Variants in SCOC observed in about 807,000 individuals in gnomAD.
The protein encoded by SCOC is short coiled-coil protein, also known as short coiled coil protein.
A neutral mutation model predicts 9.9 loss-of-function variants in SCOC; 7 were observed. That is an observed-to-expected ratio of 0.71 (90% CI 0.40 to 1.33). The LOEUF is 1.33. Ranked by LOEUF, SCOC falls within the 40% of genes most tolerant of loss-of-function variation. The pLI is 0.01. For synonymous variants in SCOC, 19 were observed against 28.2 expected (o/e 0.67, Z 1.03); for missense variants, 66 against 89.7 (o/e 0.74, Z 1.07).
intron 1 of SCOC, among the ~76,000 whole-genome samples, chr4:140,335,859 G>T (rs942594427): frequency 6.6e-6 from 1 of 151,956 alleles, no homozygotes; most frequent in African/African-American, 2.4e-5. Flanking sequence ...CCCCAATACC[G>T]ATTAGCATGC....
chr4:140,301,979 G>A (rs1309815776), intron 1 of SCOC, among the ~76,000 whole-genome samples: 2 of 151,986 alleles, frequency 1.3e-5, no homozygotes, highest in African/African-American at 4.8e-5. Context: ...GACCACAGGC[G>A]CATGCCACCA....
At chr4:140,282,412 G>A (rs1257826817) in intron 1 of SCOC, among the ~76,000 whole-genome samples, 1 of 152,194 alleles carries the variant, frequency 6.6e-6, no homozygotes, top group Non-Finnish European at 1.5e-5. Context: ...CTATGTGGCA[G>A]GATAATTTAT....
intron 1 of SCOC, among the ~76,000 whole-genome samples, chr4:140,278,795 A>G (rs1731040214): frequency 6.6e-6 from 1 of 152,114 alleles, no homozygotes; most frequent in African/African-American, 2.4e-5. Context: ...ACTCCCTGCC[A>G]TACCTCCGGC....
At chr4:140,340,561 C>T (rs1240847680), upstream of SCOC, among the ~76,000 whole-genome samples, 1 of 151,856 alleles carries the variant, frequency 6.6e-6, no homozygotes, top group Non-Finnish European at 1.5e-5. Flanking sequence ...AATGAAGCTG[C>T]ATCCCTACCT....
At chr4:140,355,723 G>A (rs963005093) in intron 2 of SCOC, among the ~76,000 whole-genome samples, 6 of 152,138 alleles carry the variant, frequency 3.9e-5, no homozygotes, top group South Asian at 2.1e-4. Flanking sequence ...ACCAATATTG[G>A]AATATGCTCA....
chr4:140,307,584 A>G (rs991892912), intron 1 of SCOC, among the ~76,000 whole-genome samples: 15 of 152,134 alleles, frequency 9.9e-5, no homozygotes, highest in African/African-American at 3.6e-4. Context: ...AAGATCCTCT[A>G]TTGTTGTTTA....
intron 2 of SCOC, among the ~76,000 whole-genome samples, chr4:140,346,455 T>A (rs1726745184): frequency 6.6e-6 from 1 of 152,162 alleles, no homozygotes; most frequent in Admixed American, 6.6e-5. Flanking sequence ...TGTCTCCTTT[T>A]ACCTCCATCG....
intron 1 of SCOC, among the ~76,000 whole-genome samples, chr4:140,275,460 C>G (rs968114134): frequency 2.0e-5 from 3 of 152,202 alleles, no homozygotes; most frequent in Non-Finnish European, 2.9e-5. Flanking sequence ...CCGTCTTCCC[C>G]CTAAATCAGT....
chr4:140,339,589 C>G (rs1469725052), upstream of SCOC, among the ~76,000 whole-genome samples: 1 of 152,054 alleles, frequency 6.6e-6, no homozygotes, highest in Non-Finnish European at 1.5e-5. Context: ...ACAATGAACT[C>G]AAACAAATTT....
At chr4:140,346,588 A>G (rs1726750449) in intron 2 of SCOC, among the ~76,000 whole-genome samples, 1 of 152,166 alleles carries the variant, frequency 6.6e-6, no homozygotes. Flanking sequence ...TCAAACTTTC[A>G]TTTACTTTGA....
intron 1 of SCOC, among the ~76,000 whole-genome samples, chr4:140,294,509 A>G (rs193155001): frequency 3.7e-4 from 57 of 152,326 alleles, no homozygotes; most frequent in Admixed American, 1.7e-3. Flanking sequence ...TTGTGGGTAC[A>G]AACAATTGTA....
chr4:140,352,286 C>T (rs1398496491), intron 2 of SCOC, among the ~76,000 whole-genome samples: 1 of 152,142 alleles, frequency 6.6e-6, no homozygotes, highest in Non-Finnish European at 1.5e-5. Flanking sequence ...GTTAATTGCA[C>T]CAGCAATGGC....
intron 1 of SCOC, among the ~76,000 whole-genome samples, chr4:140,336,159 C>T (rs1471762992): frequency 6.6e-6 from 1 of 152,078 alleles, no homozygotes; most frequent in African/African-American, 2.4e-5. Context: ...TATGTAGAGA[C>T]AGGGACACCA....
chr4:140,265,014 G>A (rs997677005), intron 1 of SCOC, among the ~76,000 whole-genome samples: 1 of 152,096 alleles, frequency 6.6e-6, no homozygotes, highest in Non-Finnish European at 1.5e-5. Flanking sequence ...CTATGCCTGG[G>A]CGTGAATATA....
chr4:140,337,137 A>G (rs545062725), intron 1 of SCOC, among the ~76,000 whole-genome samples: 1 of 152,226 alleles, frequency 6.6e-6, no homozygotes, highest in South Asian at 2.1e-4. Flanking sequence ...GCTGAATATT[A>G]AACCCTTAGC....
intron 3 of SCOC, among the ~76,000 whole-genome samples, chr4:140,380,194 CTTTTT>C (rs993271002): frequency 1.8e-5 from 2 of 108,420 alleles, no homozygotes; most frequent in South Asian, 3.1e-4. Context: ...TTTTCTTTTT[CTTTTT>C]TTTTTTTTTT....
At chr4:140,329,953 G>A (rs891165807) in intron 1 of SCOC, among the ~76,000 whole-genome samples, 4 of 152,082 alleles carry the variant, frequency 2.6e-5, no homozygotes, top group Admixed American at 1.3e-4. Flanking sequence ...CCACTACTAC[G>A]TATCTACCCA....
intron 1 of SCOC, among the ~76,000 whole-genome samples, chr4:140,267,718 AC>A (rs1730759957): frequency 6.7e-6 from 1 of 150,202 alleles, no homozygotes; most frequent in Non-Finnish European, 1.5e-5. Context: ...AGCTCCGGGA[AC>A]CCCCTCCTCC....
chr4:140,351,670 A>G (rs908101015), intron 2 of SCOC, among the ~76,000 whole-genome samples: 3 of 151,896 alleles, frequency 2.0e-5, no homozygotes, highest in Admixed American at 1.3e-4. Context: ...CGCCCTGCTG[A>G]AAGCAGCCCG....
Sources: gnomAD v4.1 joint callset for allele counts (sites outside exome capture counted in the v4.1 genomes callset) on GRCh38, gnomAD v4.1.1 for gene constraint, MANE v1.5 for transcripts, NCBI Gene and HGNC (gene_info 2026-07-23, HGNC 2026-07-21) for gene names.